Variants in BAALC observed in about 807,000 individuals in gnomAD.
BAALC encodes the protein BAALC binder of MAP3K1 and KLF4.
A neutral mutation model predicts 15.5 loss-of-function variants in BAALC; 9 were observed. That is an observed-to-expected ratio of 0.58 (90% CI 0.35 to 1.02). The LOEUF is 1.02. Among genes scored for constraint, BAALC ranks in the 50% least tolerant of loss-of-function variants. The probability of loss-of-function intolerance (pLI) is 0.02; values close to 1 mark genes in which losing one functional copy is unlikely to be tolerated. For missense variants in BAALC, 201 were observed against 192.4 expected, an observed-to-expected ratio of 1.04 and a Z score of -0.27; for synonymous variants, 80 against 74.6, an observed-to-expected ratio of 1.07 and a Z score of -0.37.
chr8:103,199,561 T>C (rs1473376433), intron 1 of BAALC, among the ~76,000 whole-genome samples: 4 of 152,166 alleles, frequency 2.6e-5, no homozygotes, highest in African/African-American at 7.2e-5. Context: ...TTTAAAATTT[T>C]AAGAATTAAA....
chr8:103,222,187 A>AT, intron 2 of BAALC, among the ~76,000 whole-genome samples: 1 of 152,292 alleles, frequency 6.6e-6, no homozygotes, highest in Non-Finnish European at 1.5e-5. Flanking sequence ...ATGGCAGACT[A>AT]TAGAGAGAGC....
intron 2 of BAALC, chr8:103,213,312 G>C: frequency 2.1e-6 from 1 of 475,084 alleles, no homozygotes; most frequent in South Asian, 4.0e-5. Context: ...CTTAAGTACA[G>C]CTTTATTCAA....
chr8:103,213,144 A>G, intron 2 of BAALC, 59 bp downstream of exon 2: 1 of 1,558,456 alleles, frequency 6.4e-7, no homozygotes, highest in Non-Finnish European at 8.7e-7. Context: ...GGCTTGCTTC[A>G]GGGCAGAGCC....
intron 2 of BAALC, chr8:103,219,499 T>G (rs1040767065): frequency 6.6e-6 from 1 of 152,234 alleles, no homozygotes; most frequent in Non-Finnish European, 1.5e-5. Flanking sequence ...ATCTTCTATC[T>G]GAAGTTCAAG....
chr8:103,187,301 A>G (rs1022672295), intron 1 of BAALC, among the ~76,000 whole-genome samples: 2 of 152,198 alleles, frequency 1.3e-5, no homozygotes, highest in Non-Finnish European at 2.9e-5. Context: ...CTCAATGTCT[A>G]GAGACATTTT....
chr8:103,177,109 A>G (rs1811622493), intron 1 of BAALC, among the ~76,000 whole-genome samples: 1 of 152,112 alleles, frequency 6.6e-6, no homozygotes, highest in African/African-American at 2.4e-5. Context: ...GATGGAAAGC[A>G]TATATGGATC....
chr8:103,185,348 TCTC>T (rs1811810618), intron 1 of BAALC, among the ~76,000 whole-genome samples: 1 of 152,134 alleles, frequency 6.6e-6, no homozygotes, highest in Non-Finnish European at 1.5e-5. Context: ...CTTCAAATTG[TCTC>T]CTCCTACTTT....
At chr8:103,193,274 C>T (rs757838358) in intron 1 of BAALC, among the ~76,000 whole-genome samples, 1 of 152,226 alleles carries the variant, frequency 6.6e-6, no homozygotes, top group East Asian at 1.9e-4. Flanking sequence ...AAATCTGGGT[C>T]TCCTGCTTCA....
rs1812875701 is a variant in BAALC, at chr8:103,229,471, A to G, written c.*1372A>G. ...TGTTATTCTTCAAACACAAGTGGGT[A>G]GTGTCATTTTTCCTTCCTTCCTTCC... On this transcript the variant is annotated 3_prime_UTR_variant, in exon 3 of 3. Coordinates refer to ENST00000309982, the MANE Select transcript of BAALC (RefSeq NM_024812.3). 6.6e-6 allele frequency: 1 copy of G among 152,212 alleles called. No individual in the cohort carries two copies. Among genetic ancestry groups the G allele is most frequent in the Non-Finnish European group, 1.5e-5 (1 of 68,030 alleles). The allele number at this position is 152,212 out of a possible 1,614,324, so 9.4% of individuals were successfully genotyped here. A position where few individuals can be genotyped will look rare whatever the true frequency, so the allele number is the denominator to read the frequency against.
chr8:103,205,463 T>C (rs1812306868), intron 1 of BAALC, among the ~76,000 whole-genome samples: 1 of 152,164 alleles, frequency 6.6e-6, no homozygotes, highest in South Asian at 2.1e-4. Flanking sequence ...GACTTCACTA[T>C]GGAAAAAATA....
chr8:103,196,102 T>C (rs13270175), intron 1 of BAALC, among the ~76,000 whole-genome samples: 72,861 of 151,918 alleles, frequency 0.48, 17,678 homozygotes, highest in South Asian at 0.54. Context: ...TTCAATGTCC[T>C]ATAAGGCTGG....
intron 1 of BAALC, among the ~76,000 whole-genome samples, chr8:103,158,937 C>T (rs1242465227): frequency 2.6e-5 from 4 of 152,108 alleles, no homozygotes; most frequent in Non-Finnish European, 5.9e-5. Flanking sequence ...GATCTCACCA[C>T]GAAGAAAGAT....
chr8:103,185,376 CTG>C (rs1393228226), intron 1 of BAALC, among the ~76,000 whole-genome samples: 2 of 152,126 alleles, frequency 1.3e-5, no homozygotes, highest in Non-Finnish European at 2.9e-5. Flanking sequence ...TTTTTTTCCT[CTG>C]TGTTTTCATC....
At chr8:103,168,980 A>G (rs7829208) in intron 1 of BAALC, among the ~76,000 whole-genome samples, 2 of 151,986 alleles carry the variant, frequency 1.3e-5, no homozygotes, top group African/African-American at 4.8e-5. Flanking sequence ...ACAAGTCTGA[A>G]GTCATTCTGA....
chr8:103,178,830 T>C (rs1295452012), intron 1 of BAALC, among the ~76,000 whole-genome samples: 1 of 147,016 alleles, frequency 6.8e-6, no homozygotes, highest in Admixed American at 6.8e-5. Context: ...ACCACTGCAC[T>C]CCAGCCTGGG....
chr8:103,168,505 G>A (rs1194420004), intron 1 of BAALC, among the ~76,000 whole-genome samples: 1 of 138,606 alleles, frequency 7.2e-6, no homozygotes, highest in African/African-American at 2.7e-5. Flanking sequence ...TTAAAAATAT[G>A]TGTTTGTTTT....
intron 1 of BAALC, among the ~76,000 whole-genome samples, chr8:103,175,906 GT>G (rs1438595220): frequency 6.6e-6 from 1 of 152,192 alleles, no homozygotes. Context: ...AGTCTCATGA[GT>G]TTAGCATCAC....
intron 2 of BAALC, 84 bp from the exon 3 acceptor site, chr8:103,227,905 C>G: frequency 2.2e-6 from 2 of 903,196 alleles, no homozygotes; most frequent in South Asian, 3.1e-5. Flanking sequence ...CACAATAAAC[C>G]TCTAAATTGA....
intron 1 of BAALC, among the ~76,000 whole-genome samples, chr8:103,155,626 A>G (rs1811074797): frequency 6.6e-6 from 1 of 152,242 alleles, no homozygotes; most frequent in East Asian, 1.9e-4. Flanking sequence ...CTCTCCTAGC[A>G]GCTGGAGAAT....
Sources: gnomAD v4.1 joint callset for allele counts (sites outside exome capture counted in the v4.1 genomes callset) on GRCh38, gnomAD v4.1.1 for gene constraint, MANE v1.5 for transcripts, NCBI Gene and HGNC (gene_info 2026-07-23, HGNC 2026-07-21) for gene names.